The following PAM variants were observed in gnomAD, a reference collection of about 807,000 sequenced individuals.
The protein encoded by PAM is peptidylglycine alpha-amidating monooxygenase, also known as peptidyl-glycine alpha-amidating monooxygenase.
PAM carries 72 observed loss-of-function variants against 122.1 expected under a neutral mutation model. The ratio of observed to expected loss-of-function variants is 0.59; its 90% CI spans 0.49 to 0.72. PAM has a LOEUF of 0.72. Ranked by LOEUF, PAM falls within the 30% of genes least tolerant of loss-of-function variation. The pLI, the probability that PAM is intolerant of heterozygous loss-of-function variation, is 0.00. For missense variants in PAM, 1,106 were observed against 1,183.7 expected, an observed-to-expected ratio of 0.93 and a Z score of 0.96; for synonymous variants, 389 against 404.4, an observed-to-expected ratio of 0.96 and a Z score of 0.46.
chr5:102,912,637 G>A (rs750557995), intron 4 of PAM, among the ~76,000 whole-genome samples: 1 of 151,848 alleles, frequency 6.6e-6, no homozygotes, highest in Non-Finnish European at 1.5e-5. Context: ...AATTGTGAAC[G>A]GCTGTAACTC....
intron 1 of PAM, among the ~76,000 whole-genome samples, chr5:102,863,964 C>T (rs1784830373): frequency 6.6e-6 from 1 of 150,830 alleles, no homozygotes; most frequent in Non-Finnish European, 1.5e-5. Context: ...GGTTTAGGGA[C>T]ATCAAAGGTA....
intron 3 of PAM, among the ~76,000 whole-genome samples, chr5:102,881,306 T>C (rs1328917871): frequency 1.3e-5 from 2 of 151,994 alleles, no homozygotes; most frequent in Non-Finnish European, 2.9e-5. Flanking sequence ...TTAGGAATAT[T>C]AATGTAACAG....
intron 23 of PAM, among the ~76,000 whole-genome samples, chr5:103,024,076 T>C (rs1365793208): frequency 6.6e-6 from 1 of 152,156 alleles, no homozygotes; most frequent in Non-Finnish European, 1.5e-5. Flanking sequence ...CAATGCATTC[T>C]GTATCGTAGG....
chr5:102,955,011 G>A (rs760738875), intron 12 of PAM, among the ~76,000 whole-genome samples: 2 of 152,012 alleles, frequency 1.3e-5, no homozygotes, highest in South Asian at 2.1e-4. Context: ...AAGGCACCAC[G>A]AAACTTTTTA....
intron 1 of PAM, among the ~76,000 whole-genome samples, chr5:102,829,647 T>G (rs529412134): frequency 3.3e-5 from 5 of 152,350 alleles, no homozygotes; most frequent in African/African-American, 9.6e-5. Context: ...ATGCTGGGAT[T>G]ACAGGCGTGA....
chr5:102,854,867 T>C (rs1370045492), intron 1 of PAM, among the ~76,000 whole-genome samples: 1 of 152,240 alleles, frequency 6.6e-6, no homozygotes, highest in East Asian at 1.9e-4. Flanking sequence ...AAGCTCTTCA[T>C]TGATAGTTCA....
At chr5:102,856,908 A>G (rs1468324488) in intron 1 of PAM, among the ~76,000 whole-genome samples, 1 of 152,086 alleles carries the variant, frequency 6.6e-6, no homozygotes, top group African/African-American at 2.4e-5. Context: ...ATACCATTCA[A>G]TTTGCTAGGT....
chr5:102,771,839 CT>C (rs1167670369), intron 1 of PAM, among the ~76,000 whole-genome samples: 3 of 152,110 alleles, frequency 2.0e-5, no homozygotes, highest in Non-Finnish European at 2.9e-5. Flanking sequence ...CTACCTGCCC[CT>C]AGAGGGGCTG....
intron 5 of PAM, among the ~76,000 whole-genome samples, chr5:102,921,217 G>A (rs956065614): frequency 1.3e-5 from 2 of 152,082 alleles, no homozygotes; most frequent in African/African-American, 2.4e-5. Context: ...TGGTTGATGA[G>A]GCCTGAAATT....
At chr5:102,942,085 A>G (rs1741611685) in intron 7 of PAM, among the ~76,000 whole-genome samples, 1 of 152,034 alleles carries the variant, frequency 6.6e-6, no homozygotes, top group Non-Finnish European at 1.5e-5. Flanking sequence ...TAAAAAAACA[A>G]CATGGCCCAA....
At chr5:103,001,155 T>C (rs1777262212) in intron 16 of PAM, among the ~76,000 whole-genome samples, 1 of 152,142 alleles carries the variant, frequency 6.6e-6, no homozygotes, top group African/African-American at 2.4e-5. Context: ...ATAGTCACCT[T>C]GGAAAAATAA....
At chr5:102,952,201 C>T (rs1266653690) in intron 12 of PAM, among the ~76,000 whole-genome samples, 7 of 152,024 alleles carry the variant, frequency 4.6e-5, no homozygotes, top group Admixed American at 1.3e-4. Flanking sequence ...GCCTAGAGGG[C>T]TCTTTACAGT....
intron 3 of PAM, among the ~76,000 whole-genome samples, chr5:102,883,411 C>T (rs1420425738): frequency 6.6e-6 from 1 of 151,876 alleles, no homozygotes; most frequent in African/African-American, 2.4e-5. Flanking sequence ...TGTAGTTTTA[C>T]TTGTAGAGGT....
intron 7 of PAM, among the ~76,000 whole-genome samples, chr5:102,931,830 C>G (rs574266807): frequency 1.1e-4 from 16 of 152,034 alleles, no homozygotes; most frequent in African/African-American, 3.9e-4. Flanking sequence ...CTCTCTCTCT[C>G]TCTGTCTCTC....
chr5:102,786,655 T>G lies in PAM; in HGVS notation c.-374+31307T>G, dbSNP rs577522616. Among the ~76,000 whole-genome samples the G allele has an allele frequency of 1.4e-4, 22 of 152,256 alleles. No homozygotes were observed. In the South Asian group the frequency reaches 4.6e-3, roughly 32 times the overall value. On this transcript the variant is annotated intron_variant, in intron 1 of 25. Transcript: ENST00000438793. ...TTTCTAAATAAATAGCAACTAAAAA[T>G]TACTTTCCAAGTTAGACACATGCCA...
intron 15 of PAM, among the ~76,000 whole-genome samples, chr5:102,983,205 G>A (rs1770497850): frequency 1.3e-5 from 2 of 152,058 alleles, no homozygotes; most frequent in African/African-American, 4.8e-5. Flanking sequence ...CACAGTTTGG[G>A]AGGCTGAGGC....
At chr5:103,021,279 T>TA (rs921407883) in intron 23 of PAM, among the ~76,000 whole-genome samples, 62 of 152,178 alleles carry the variant, frequency 4.1e-4, no homozygotes, top group African/African-American at 1.4e-3. Flanking sequence ...GAGAGACTGA[T>TA]ACCACCAATT....
intron 7 of PAM, among the ~76,000 whole-genome samples, chr5:102,930,877 AC>A (rs1428713732): frequency 6.6e-6 from 1 of 152,198 alleles, no homozygotes; most frequent in Non-Finnish European, 1.5e-5. Flanking sequence ...AATAGGATGT[AC>A]TCTAATTAGA....
At chr5:102,802,826 G>A (rs141418836) in intron 1 of PAM, among the ~76,000 whole-genome samples, 78 of 152,240 alleles carry the variant, frequency 5.1e-4, no homozygotes, top group Middle Eastern at 6.8e-3. Context: ...AGTACTGTAT[G>A]CATTATCTTT....
Sources: gnomAD v4.1 joint callset for allele counts (sites outside exome capture counted in the v4.1 genomes callset) on GRCh38, gnomAD v4.1.1 for gene constraint, MANE v1.5 for transcripts, NCBI Gene and HGNC (gene_info 2026-07-23, HGNC 2026-07-21) for gene names.